The following SASH1 variants were observed in gnomAD, a reference collection of about 807,000 sequenced individuals.
The protein encoded by SASH1 is SAM and SH3 domain containing 1, also known as SAM and SH3 domain-containing protein 1.
A neutral mutation model predicts 125.2 loss-of-function variants in SASH1; 44 were observed. That is an observed-to-expected ratio of 0.35 (90% confidence interval 0.28 to 0.45). The LOEUF (loss-of-function observed/expected upper bound fraction) is 0.45. SASH1 is among the 20% of genes least tolerant of loss of function. The pLI, the probability that SASH1 is intolerant of heterozygous loss-of-function variation, is 1.00. For synonymous variants in SASH1, 639 were observed against 649.1 expected (o/e 0.98, Z 0.24); for missense variants, 1,426 against 1,614.5 (o/e 0.88, Z 2.00).
At chr6:148,436,414 A>G (rs1405211867) in intron 2 of SASH1, among the ~76,000 whole-genome samples, 1 of 152,030 alleles carries the variant, frequency 6.6e-6, no homozygotes, top group East Asian at 1.9e-4. Context: ...CTGAGGTGGA[A>G]GGATCCTTTG....
chr6:148,265,729 C>T, the SASH1 span, among the ~76,000 whole-genome samples: 1 of 152,170 alleles, frequency 6.6e-6, no homozygotes, highest in African/African-American at 2.4e-5. Context: ...CCATCTGAGA[C>T]CTGTGCCCAA....
At chr6:148,493,287 C>T (rs1372935929) in intron 8 of SASH1, among the ~76,000 whole-genome samples, 2 of 152,218 alleles carry the variant, frequency 1.3e-5, no homozygotes, top group Non-Finnish European at 2.9e-5. Flanking sequence ...GCCCCTCTTA[C>T]TCTGGCTTTA....
the SASH1 span, among the ~76,000 whole-genome samples, chr6:148,246,532 A>T: frequency 6.6e-6 from 1 of 152,192 alleles, no homozygotes; most frequent in Non-Finnish European, 1.5e-5. Context: ...CTCATTTCTC[A>T]TCACTAGCTT....
intron 2 of SASH1, among the ~76,000 whole-genome samples, chr6:148,437,059 C>T (rs1776321578): frequency 6.6e-6 from 1 of 152,170 alleles, no homozygotes; most frequent in Non-Finnish European, 1.5e-5. Context: ...AAACCATCAG[C>T]TATTCTCTGA....
chr6:148,228,043 C>G, the SASH1 span, among the ~76,000 whole-genome samples: 3 of 152,158 alleles, frequency 2.0e-5, no homozygotes, highest in Admixed American at 6.5e-5. Context: ...ACATTTCAAG[C>G]TAGTACAGAC....
At chr6:148,445,429 A>C (rs1776729770) in intron 4 of SASH1, among the ~76,000 whole-genome samples, 1 of 152,148 alleles carries the variant, frequency 6.6e-6, no homozygotes, top group Non-Finnish European at 1.5e-5. Flanking sequence ...AGACACTTTT[A>C]AGAATATTTA....
intron 1 of SASH1, among the ~76,000 whole-genome samples, chr6:148,344,286 C>T (rs1353914644): frequency 1.3e-5 from 2 of 152,168 alleles, no homozygotes; most frequent in Non-Finnish European, 2.9e-5. Flanking sequence ...AGACTTGCTT[C>T]TTGGGGTTTC....
chr6:148,326,359 CATATATATAT>C, intron 1 of SASH1, among the ~76,000 whole-genome samples: 1 of 14,604 alleles, frequency 6.8e-5, no homozygotes, highest in East Asian at 4.5e-3. Context: ...TATATATATG[CATATATATAT>C]ATATACATTC....
the SASH1 span, among the ~76,000 whole-genome samples, chr6:148,230,952 C>G: frequency 3.9e-5 from 6 of 152,196 alleles, no homozygotes; most frequent in Non-Finnish European, 8.8e-5. Flanking sequence ...CTATTTTGTA[C>G]TGTTTGCTAC....
chr6:148,543,775 T>C lies in SASH1; in HGVS notation c.2305T>C (p.Leu769=), dbSNP rs201995853. Residue 769 remains leucine (L), a synonymous_variant, in exon 18 of 20, where the codon TTG becomes CTG. Transcript: ENST00000367467. ...SRNQLGNYPT[L]PLMKSGDALK... ...AAACCAGTTGGGCAATTACCCAACA[T>C]TGCCTTTAATGAAATCAGGGGATGC... is the stretch of plus-strand genomic sequence containing the variant. 9.5e-5 allele frequency: 154 copies of C among 1,613,614 alleles called. 1 individual carries two copies. In the South Asian group the frequency reaches 1.6e-3, roughly 17 times the overall value.
chr6:148,440,216 G>A lies in SASH1; in HGVS notation c.318G>A (p.Gln106=). The A allele has an allele frequency of 1.2e-6, 2 of 1,614,032 alleles. No individual in the cohort carries two copies. The highest frequency in any genetic ancestry group is 1.7e-6 in the Non-Finnish European group (2 of 1,180,028). Residue 106 remains glutamine, a synonymous_variant, in exon 3 of 20, where the codon CAG becomes CAA. Coordinates refer to ENST00000367467, the MANE Select transcript of SASH1 (RefSeq NM_015278.5). ...EKPDASPTSL[Q]LRSQIEESLG... ...CCGATGCTAGCCCCACGTCACTTCA[G>A]CTGCGGTCCCAGATCGAAGTAAGCA...
chr6:148,346,693 G>A (rs13216399), intron 1 of SASH1, among the ~76,000 whole-genome samples: 35,950 of 152,192 alleles, frequency 0.24, 4,522 homozygotes, highest in Middle Eastern at 0.32. Context: ...CTGCTGTAAT[G>A]TAATGGGTTA....
chr6:148,403,470 C>T (rs927609907), intron 2 of SASH1, among the ~76,000 whole-genome samples: 4 of 152,052 alleles, frequency 2.6e-5, no homozygotes, highest in Non-Finnish European at 5.9e-5. Flanking sequence ...AAAAATTCCA[C>T]AGTAGAATTG....
chr6:148,484,123 G>A (rs1240393678), intron 7 of SASH1, among the ~76,000 whole-genome samples: 1 of 152,168 alleles, frequency 6.6e-6, no homozygotes, highest in Non-Finnish European at 1.5e-5. Flanking sequence ...AGCTGGAGTG[G>A]ATTTCGGTTT....
chr6:148,437,560 GT>G (rs1252516630), intron 2 of SASH1, among the ~76,000 whole-genome samples: 1 of 152,120 alleles, frequency 6.6e-6, no homozygotes, highest in Non-Finnish European at 1.5e-5. Flanking sequence ...TTTCTGAAAA[GT>G]AGCTAAACAA....
In SASH1 at chr6:148,514,206, C is replaced by T. The variant is rs531664929; in HGVS notation, c.730-118C>T. On this transcript the variant is annotated intron_variant, in intron 8 of 19. Transcript: ENST00000367467. ...TCTTGGGCAAATTTTTGTTGGTTCC[C>T]AAGTTCAGCAACAGAGCTGCCGAGG... The T allele has an allele frequency of 5.4e-6, 8 of 1,474,854 alleles. No individual in the cohort carries two copies. In the Admixed American group the frequency reaches 1.8e-4, roughly 33 times the overall value. 91.4% of individuals were successfully genotyped at this position (1,474,854 alleles called of 1,614,324 possible).
At chr6:148,265,718 G>A in the SASH1 span, among the ~76,000 whole-genome samples, 1 of 152,148 alleles carries the variant, frequency 6.6e-6, no homozygotes, top group African/African-American at 2.4e-5. Context: ...GCTAAAAAAA[G>A]CCATCTGAGA....
chr6:148,249,666 A>G, the SASH1 span, among the ~76,000 whole-genome samples: 1 of 152,224 alleles, frequency 6.6e-6, no homozygotes, highest in African/African-American at 2.4e-5. Flanking sequence ...TGAGAAACAG[A>G]GGTAATGATG....
chr6:148,440,142 A>G lies in SASH1; in HGVS notation c.286-42A>G, dbSNP rs1776482419. The G allele has an allele frequency of 3.8e-6, 6 of 1,595,476 alleles. No homozygotes were observed. The South Asian group carries it at 5.5e-5, about 15-fold the overall frequency. On this transcript the variant is annotated intron_variant, in intron 2 of 19. Coordinates refer to ENST00000367467, the MANE Select transcript of SASH1 (RefSeq NM_015278.5). ...TCTATTTGTCTTTCTCGCGTGTGAC[A>G]TGTTTGGAAGTCCCGTTAAACTGGC...
Sources: gnomAD v4.1 joint callset for allele counts (sites outside exome capture counted in the v4.1 genomes callset) on GRCh38, gnomAD v4.1.1 for gene constraint, MANE v1.5 for transcripts, NCBI Gene and HGNC (gene_info 2026-07-23, HGNC 2026-07-21) for gene names.